Variants in LMX1A observed in about 807,000 individuals in gnomAD.
LMX1A encodes the protein LIM homeobox transcription factor 1 alpha.
In LMX1A, 15 loss-of-function variants were observed where a neutral mutation model predicts 49.1. The observed-to-expected ratio is 0.31, with a 90% confidence interval of 0.20 to 0.47. LMX1A has a LOEUF of 0.47. LMX1A is among the 20% of genes least tolerant of loss of function. The probability of loss-of-function intolerance (pLI) is 1.00; values close to 1 mark genes in which losing one functional copy is unlikely to be tolerated. For missense variants in LMX1A, 372 were observed against 475.8 expected (o/e 0.78, Z 2.03); for synonymous variants, 167 against 185.7 (o/e 0.90, Z 0.82).
intron 3 of LMX1A, among the ~76,000 whole-genome samples, chr1:165,295,577 G>C (rs1046979921): frequency 6.6e-6 from 1 of 151,790 alleles, no homozygotes; most frequent in Non-Finnish European, 1.5e-5. Flanking sequence ...CCAAGGAAAA[G>C]GCATCTGTGT....
intron 4 of LMX1A, among the ~76,000 whole-genome samples, chr1:165,236,687 A>G (rs888933151): frequency 6.6e-6 from 1 of 151,864 alleles, no homozygotes; most frequent in East Asian, 1.9e-4. Context: ...ATGGCTGATT[A>G]AGGTATTTCA....
chr1:165,226,946 T>C (rs2221418), intron 4 of LMX1A, among the ~76,000 whole-genome samples: 131,430 of 152,128 alleles, frequency 0.86, 57,784 homozygotes, highest in Non-Finnish European at 0.95. Flanking sequence ...CCTGCCTTCA[T>C]CACAGTCTGG....
intron 3 of LMX1A, among the ~76,000 whole-genome samples, chr1:165,283,497 T>G (rs1654212650): frequency 6.6e-6 from 1 of 152,188 alleles, no homozygotes; most frequent in African/African-American, 2.4e-5. Context: ...CTCCTCTTCC[T>G]CTTTCTCTTC....
chr1:165,279,846 G>C (rs541111069), intron 3 of LMX1A, among the ~76,000 whole-genome samples: 1 of 152,116 alleles, frequency 6.6e-6, no homozygotes, highest in Admixed American at 6.5e-5. Flanking sequence ...GGGCTTGAGA[G>C]AGTCGTTTAC....
At position 165,202,481 on chromosome 1, in the gene LMX1A, A is replaced by C. The variant is rs1217227461; in HGVS notation, c.*1399T>G. ...CAGACCCTCTAAAACAAGGGGCCCCAAACTTTTTCTGTAAGGGCCAGACAA... is the reference window on the plus strand; with the variant it reads ...CAGACCCTCTAAAACAAGGGGCCCCCAACTTTTTCTGTAAGGGCCAGACAA... On this transcript the variant is annotated 3_prime_UTR_variant, in exon 9 of 9. Transcript: ENST00000342310. 1 of 152,210 alleles carries C rather than the reference A, an allele frequency of 6.6e-6. No individual in the cohort carries two copies. The highest frequency in any genetic ancestry group is 1.9e-4 in the East Asian group (1 of 5,188). The allele number at this position is 152,210 out of a possible 1,614,324, so 9.4% of individuals were successfully genotyped here. A position where few individuals can be genotyped will look rare whatever the true frequency, so the allele number is the denominator to read the frequency against.
chr1:165,207,945 T>G, intron 7 of LMX1A, 118 bp downstream of exon 7: 1 of 767,690 alleles, frequency 1.3e-6, no homozygotes, highest in Non-Finnish European at 2.1e-6. Flanking sequence ...CTCCAGTGGG[T>G]GTGGTCTAGG....
At chr1:165,222,824 A>G (rs1036583757) in intron 4 of LMX1A, among the ~76,000 whole-genome samples, 2 of 152,128 alleles carry the variant, frequency 1.3e-5, no homozygotes, top group Non-Finnish European at 2.9e-5. Context: ...ATGCCTTCAG[A>G]CTCCAGTCCA....
chr1:165,253,846 C>T (rs536877718), intron 3 of LMX1A, among the ~76,000 whole-genome samples: 13 of 152,250 alleles, frequency 8.5e-5, no homozygotes, highest in East Asian at 1.9e-4. Flanking sequence ...CCTGTCCTCT[C>T]GCCCAGTGTG....
intron 4 of LMX1A, among the ~76,000 whole-genome samples, chr1:165,235,407 G>GACACACAC (rs5778434): frequency 1.7e-3 from 225 of 134,586 alleles, no homozygotes; most frequent in South Asian, 3.1e-3. Context: ...CGCTCGCGCG[G>GACACACAC]ACACACACAC....
chr1:165,236,020 C>T (rs540225608), intron 4 of LMX1A, among the ~76,000 whole-genome samples: 1 of 152,340 alleles, frequency 6.6e-6, no homozygotes, highest in Non-Finnish European at 1.5e-5. Context: ...CGGCCCGAGC[C>T]GGCCCTGGAA....
intron 3 of LMX1A, among the ~76,000 whole-genome samples, chr1:165,320,237 T>C (rs941142271): frequency 2.6e-5 from 4 of 152,142 alleles, no homozygotes; most frequent in Non-Finnish European, 5.9e-5. Flanking sequence ...AAATATCTCA[T>C]AACCTGGACT....
At chr1:165,244,396 T>G (rs1652767563) in intron 4 of LMX1A, among the ~76,000 whole-genome samples, 1 of 152,152 alleles carries the variant, frequency 6.6e-6, no homozygotes, top group South Asian at 2.1e-4. Flanking sequence ...AACCTACTAC[T>G]TGTGATTGAT....
intron 3 of LMX1A, among the ~76,000 whole-genome samples, chr1:165,301,332 T>C (rs1654768944): frequency 6.6e-6 from 1 of 151,898 alleles, no homozygotes; most frequent in African/African-American, 2.4e-5. Context: ...ACGTTTGGCT[T>C]ACACCAAAAC....
intron 4 of LMX1A, among the ~76,000 whole-genome samples, chr1:165,235,869 T>G (rs1652413252): frequency 6.6e-6 from 1 of 152,182 alleles, no homozygotes; most frequent in Non-Finnish European, 1.5e-5. Flanking sequence ...GCCGGGCTCT[T>G]TATCTGCATT....
intron 3 of LMX1A, among the ~76,000 whole-genome samples, chr1:165,346,062 C>T (rs1255730023): frequency 6.6e-6 from 1 of 152,164 alleles, no homozygotes; most frequent in African/African-American, 2.4e-5. Flanking sequence ...AGTCCAGATA[C>T]AGCATGTGGT....
At chr1:165,264,412 A>AT (rs1451124072) in intron 3 of LMX1A, among the ~76,000 whole-genome samples, 1 of 148,500 alleles carries the variant, frequency 6.7e-6, no homozygotes, top group Non-Finnish European at 1.5e-5. Context: ...TAAAGCATGC[A>AT]TATGCTCGCA....
chr1:165,237,294 G>C (rs1652485773), intron 4 of LMX1A, among the ~76,000 whole-genome samples: 1 of 152,202 alleles, frequency 6.6e-6, no homozygotes, highest in African/African-American at 2.4e-5. Context: ...CACGAACTCA[G>C]CTCACTGCAA....
chr1:165,259,860 G>A lies in LMX1A; in HGVS notation c.264-10220C>T, dbSNP rs867860902. On this transcript the variant is annotated intron_variant, in intron 3 of 8. Transcript: ENST00000342310. ...ACAATGTCAGACAAGCTGAATGAGT[G>A]CACTGTGTGTGGGACAGTGAGTCTC... Among the ~76,000 whole-genome samples the A allele has an allele frequency of 2.0e-5, 3 of 152,210 alleles. No individual in the cohort carries two copies. In the South Asian group the frequency reaches 6.2e-4, roughly 32 times the overall value.
At chr1:165,291,197 G>A (rs1395041381) in intron 3 of LMX1A, among the ~76,000 whole-genome samples, 5 of 152,178 alleles carry the variant, frequency 3.3e-5, no homozygotes, top group Non-Finnish European at 7.3e-5. Flanking sequence ...AGCAGCTAAT[G>A]ATTAAATGCC....
Sources: gnomAD v4.1 joint callset for allele counts (sites outside exome capture counted in the v4.1 genomes callset) on GRCh38, gnomAD v4.1.1 for gene constraint, MANE v1.5 for transcripts, NCBI Gene and HGNC (gene_info 2026-07-23, HGNC 2026-07-21) for gene names.